Variants in MECOM observed in about 807,000 individuals in gnomAD.
The protein encoded by MECOM is histone-lysine N-methyltransferase MECOM.
MECOM carries 13 observed loss-of-function variants against 116.3 expected under a neutral mutation model. The ratio of observed to expected loss-of-function variants is 0.11; its 90% confidence interval spans 0.07 to 0.18. The LOEUF is 0.18. MECOM is among the 10% of genes least tolerant of loss of function. MECOM has a pLI of 1.00. For synonymous variants in MECOM, 528 were observed against 535.2 expected (o/e 0.99, Z 0.19); for missense variants, 1,299 against 1,509.0 (o/e 0.86, Z 2.31).
chr3:169,464,279 C>T (rs951372593), intron 1 of MECOM, among the ~76,000 whole-genome samples: 2 of 152,112 alleles, frequency 1.3e-5, no homozygotes, highest in Non-Finnish European at 2.9e-5. Flanking sequence ...AAACAGTTGT[C>T]TGTTAAATTT....
intron 1 of MECOM, among the ~76,000 whole-genome samples, chr3:169,653,710 T>G (rs1400539282): frequency 6.6e-6 from 1 of 152,198 alleles, no homozygotes; most frequent in African/African-American, 2.4e-5. Context: ...AAATAATGTA[T>G]TGAACTCTTA....
chr3:169,101,911 C>G, intron 11 of MECOM, 149 bp downstream of exon 11: 1 of 619,846 alleles, frequency 1.6e-6, no homozygotes, highest in Non-Finnish European at 2.5e-6. Flanking sequence ...TTATATTTCA[C>G]TAAATGAAGA....
intron 2 of MECOM, among the ~76,000 whole-genome samples, chr3:169,375,252 C>T (rs372146145): frequency 6.6e-6 from 1 of 151,790 alleles, no homozygotes; most frequent in Non-Finnish European, 1.5e-5. Flanking sequence ...CTTAACATCA[C>T]AATTAAAAGA....
At chr3:169,493,078 G>A (rs74643796) in intron 1 of MECOM, among the ~76,000 whole-genome samples, 3,217 of 152,190 alleles carry the variant, frequency 0.021, 120 homozygotes, top group African/African-American at 0.074. Flanking sequence ...TTGTTCAAGC[G>A]CTGAAACTTT....
chr3:169,604,359 C>T (rs1268244259), intron 1 of MECOM, among the ~76,000 whole-genome samples: 3 of 152,020 alleles, frequency 2.0e-5, no homozygotes, highest in Non-Finnish European at 4.4e-5. Context: ...TTGAAAACCA[C>T]CAATTTAGTT....
chr3:169,180,435 T>C (rs190392398), intron 2 of MECOM, among the ~76,000 whole-genome samples: 36 of 152,278 alleles, frequency 2.4e-4, no homozygotes, highest in East Asian at 1.9e-3. Context: ...CGCAAGGTAC[T>C]TACATAATGA....
At chr3:169,417,439 A>G (rs1488173181) in intron 1 of MECOM, among the ~76,000 whole-genome samples, 5 of 152,236 alleles carry the variant, frequency 3.3e-5, no homozygotes, top group Non-Finnish European at 7.3e-5. Flanking sequence ...AATGGCAATC[A>G]TTAAAAAATC....
At chr3:169,149,959 G>C (rs1259116867) in intron 2 of MECOM, among the ~76,000 whole-genome samples, 9 of 150,340 alleles carry the variant, frequency 6.0e-5, no homozygotes. Context: ...GTGTGTGTGT[G>C]TGTGTGTGTG....
intron 10 of MECOM, among the ~76,000 whole-genome samples, chr3:169,105,955 T>C (rs543192405): frequency 6.6e-6 from 1 of 152,296 alleles, no homozygotes; most frequent in East Asian, 1.9e-4. Flanking sequence ...TTAACATTTA[T>C]TATCTGGCAG....
chr3:169,503,261 G>T (rs1754767694), intron 1 of MECOM, among the ~76,000 whole-genome samples: 1 of 152,130 alleles, frequency 6.6e-6, no homozygotes, highest in African/African-American at 2.4e-5. Context: ...AAAGAGAGAT[G>T]TCAGTATAGA....
At chr3:169,128,857 C>T (rs551520077) in intron 4 of MECOM, among the ~76,000 whole-genome samples, 5 of 152,208 alleles carry the variant, frequency 3.3e-5, no homozygotes, top group Non-Finnish European at 7.4e-5. Flanking sequence ...GTAGTGATGG[C>T]ATTGTTTCTA....
chr3:169,588,070 C>T (rs1012264792), intron 1 of MECOM, among the ~76,000 whole-genome samples: 2 of 152,086 alleles, frequency 1.3e-5, no homozygotes, highest in East Asian at 3.8e-4. Context: ...TAAACAGAAT[C>T]TTTATTATTT....
chr3:169,374,001 T>C (rs1730595536), intron 2 of MECOM, among the ~76,000 whole-genome samples: 1 of 151,912 alleles, frequency 6.6e-6, no homozygotes, highest in Non-Finnish European at 1.5e-5. Flanking sequence ...CTAACCCCCA[T>C]TAGGGCTATT....
chr3:169,549,753 T>C (rs1293457019), intron 1 of MECOM, among the ~76,000 whole-genome samples: 1 of 152,236 alleles, frequency 6.6e-6, no homozygotes, highest in African/African-American at 2.4e-5. Flanking sequence ...GCATAGCTTT[T>C]CTGAAATAAG....
chr3:169,382,554 T>C (rs978352592), intron 1 of MECOM, among the ~76,000 whole-genome samples: 4 of 105,594 alleles, frequency 3.8e-5, no homozygotes, highest in Non-Finnish European at 8.1e-5. Flanking sequence ...AGCAAATGAA[T>C]ACATTTCTTG....
chr3:169,589,938 A>G (rs1766210112), intron 1 of MECOM, among the ~76,000 whole-genome samples: 1 of 152,216 alleles, frequency 6.6e-6, no homozygotes, highest in Non-Finnish European at 1.5e-5. Flanking sequence ...AATTGAGCCA[A>G]CTTGCAAGAC....
At chr3:169,107,188 CA>C (rs1464627330) in intron 10 of MECOM, among the ~76,000 whole-genome samples, 2 of 152,054 alleles carry the variant, frequency 1.3e-5, no homozygotes, top group Non-Finnish European at 2.9e-5. Context: ...AAAAGAGAAA[CA>C]AAAACACATA....
intron 2 of MECOM, 60 bp from the exon 3 acceptor site, chr3:169,143,892 A>T: frequency 6.8e-7 from 1 of 1,468,538 alleles, no homozygotes. Context: ...TAAAATAATC[A>T]GTTGTTTGAA....
chr3:169,194,195 A>G (rs956464457), intron 2 of MECOM, among the ~76,000 whole-genome samples: 1 of 152,032 alleles, frequency 6.6e-6, no homozygotes, highest in Non-Finnish European at 1.5e-5. Flanking sequence ...CTTCTCTGCT[A>G]TATAAAAAAA....
Sources: gnomAD v4.1 joint callset for allele counts (sites outside exome capture counted in the v4.1 genomes callset) on GRCh38, gnomAD v4.1.1 for gene constraint, MANE v1.5 for transcripts, NCBI Gene and HGNC (gene_info 2026-07-23, HGNC 2026-07-21) for gene names.